Variants in FAM234B observed in about 807,000 individuals in gnomAD.
FAM234B encodes the protein protein FAM234B.
FAM234B carries 33 observed loss-of-function variants against 69.3 expected under a neutral mutation model. The observed-to-expected ratio is 0.48, with a 90% confidence interval of 0.36 to 0.64. FAM234B has a LOEUF of 0.64. Ranked by LOEUF, FAM234B falls within the 30% of genes least tolerant of loss-of-function variation. FAM234B has a pLI of 0.00. For synonymous variants in FAM234B, 306 were observed against 306.9 expected (o/e 1.00, Z 0.03); for missense variants, 697 against 769.7 (o/e 0.91, Z 1.12).
Position 13,062,975 on chromosome 12 carries a change from G to A in FAM234B, c.852G>A (p.Gln284=). 6.2e-7 allele frequency: 1 copy of A among 1,613,760 alleles called. No homozygotes were observed. The highest frequency in any genetic ancestry group is 8.5e-7 in the Non-Finnish European group (1 of 1,179,776). The change falls in exon 5 of 13, where the codon CAG becomes CAA. Residue 284 remains glutamine (Q), a splice_region_variant and synonymous_variant. Transcript: ENST00000197268. ...DLVVLAIGEL[Q]PDLCFLLVSG... ...TGGTTCTGGCCATTGGGGAATTGCA[G>A]GTATGATCTCTATTAAATGTTTTTT... is the stretch of plus-strand genomic sequence containing the variant.
At chr12:13,059,927 A>G (rs1372783802) in intron 3 of FAM234B, among the ~76,000 whole-genome samples, 1 of 152,252 alleles carries the variant, frequency 6.6e-6, no homozygotes, top group Non-Finnish European at 1.5e-5. Flanking sequence ...TGGCAAGGCC[A>G]TGGGTTTGGA....
chr12:13,077,427 C>T (rs1354723086), intron 11 of FAM234B, among the ~76,000 whole-genome samples: 4 of 133,064 alleles, frequency 3.0e-5, no homozygotes. Context: ...CCCCTCCCCC[C>T]CACCCCACAA....
rs567833009 is a variant in FAM234B at position 13,067,512 on chromosome 12, A to T, written c.1142+216A>T. ...TTGATATCTATGTGTTGGTGACCAC[A>T]TGTGATCACTCCTCAGGTAGGATGC... On this transcript the variant is annotated intron_variant, in intron 7 of 12. Transcript: ENST00000197268. The surrounding 1 kb of genome is among the most constrained non-coding windows in gnomAD (Gnocchi z 4.7). Among the ~76,000 whole-genome samples, 13 of 152,180 alleles carry T rather than the reference A, an allele frequency of 8.5e-5. No individual in the cohort carries two copies. The highest frequency in any genetic ancestry group is 1.5e-4 in the Non-Finnish European group (10 of 68,026).
chr12:13,075,884 A>G, intron 10 of FAM234B, 142 bp from the exon 11 acceptor site: 1 of 724,004 alleles, frequency 1.4e-6, no homozygotes. Flanking sequence ...TCTTTCAAAC[A>G]CATTCTTGTA....
chr12:13,068,978 T>C (rs1865071733), intron 9 of FAM234B, among the ~76,000 whole-genome samples: 2 of 152,144 alleles, frequency 1.3e-5, no homozygotes, highest in Non-Finnish European at 2.9e-5. Flanking sequence ...ATTGGGGGCC[T>C]TCTGAAATCT....
At chr12:13,058,593 AG>A (rs1864955943) in intron 3 of FAM234B, 44 bp downstream of exon 3, 6 of 1,510,270 alleles carry the variant, frequency 4.0e-6, no homozygotes, top group Non-Finnish European at 5.5e-6. Context: ...GGGCACTGTC[AG>A]CTAGGAGAAA....
intron 9 of FAM234B, among the ~76,000 whole-genome samples, chr12:13,069,011 A>G (rs1161515034): frequency 1.3e-5 from 2 of 152,210 alleles, no homozygotes; most frequent in African/African-American, 2.4e-5. Flanking sequence ...AGACAGGTAT[A>G]AAGAAATGTA....
At chr12:13,069,160 A>G (rs1591600811) in intron 9 of FAM234B, among the ~76,000 whole-genome samples, 1 of 152,334 alleles carries the variant, frequency 6.6e-6, no homozygotes, top group Non-Finnish European at 1.5e-5. Context: ...AAAACATGCC[A>G]GGTCAGGGGT....
Position 13,062,925 on chromosome 12 carries a change from G to A in FAM234B, c.802G>A (p.Asp268Asn), listed in dbSNP as rs528956340. ...AAPVVVLPDL[D>N]EDGVRDLVVL... ...CCCAGTTGTGGTACTGCCAGACTTG[G>A]ATGAAGACGGTGTTCGAGACCTTGT... The change falls in exon 5 of 13, where the codon GAT becomes AAT. Residue 268 changes from aspartate to asparagine, a missense_variant. Physicochemically the swap from Asp to Asn is conservative, Grantham distance 23 (BLOSUM62 1). Coordinates refer to ENST00000197268, the MANE Select transcript of FAM234B (RefSeq NM_020853.2). 1 of 1,614,100 alleles carries A rather than the reference G, an allele frequency of 6.2e-7. No homozygotes were observed. The highest frequency in any genetic ancestry group is 1.1e-5 in the South Asian group (1 of 91,074).
chr12:13,083,347 A>G lies in FAM234B; in HGVS notation c.*2717A>G, dbSNP rs1342868843. 1 of 152,486 alleles carries G rather than the reference A, an allele frequency of 6.6e-6. No individual in the cohort carries two copies. The highest frequency in any genetic ancestry group is 2.4e-5 in the African/African-American group (1 of 41,390). The allele number at this position is 152,486 out of a possible 1,614,324, so 9.4% of individuals were successfully genotyped here. On this transcript the variant is annotated 3_prime_UTR_variant, in exon 13 of 13. Coordinates refer to ENST00000197268, the MANE Select transcript of FAM234B (RefSeq NM_020853.2). ...ACTAATCCCCTGAATGTGAATTGCT[A>G]TCCTTATTGCCCTATTAAAGAAGAG... is the stretch of plus-strand genomic sequence containing the variant.
chr12:13,052,112 G>C (rs966517985), intron 1 of FAM234B, among the ~76,000 whole-genome samples: 2 of 152,146 alleles, frequency 1.3e-5, no homozygotes, highest in African/African-American at 4.8e-5. Context: ...TGATACCTTT[G>C]AGTGTTTGAA....
At chr12:13,061,076 T>C (rs1296301688) in intron 3 of FAM234B, among the ~76,000 whole-genome samples, 1 of 152,244 alleles carries the variant, frequency 6.6e-6, no homozygotes, top group Non-Finnish European at 1.5e-5. Context: ...ATGATTAGAA[T>C]TCAGGTATTT....
At chr12:13,056,494 C>T (rs947539331) in intron 2 of FAM234B, among the ~76,000 whole-genome samples, 3 of 152,148 alleles carry the variant, frequency 2.0e-5, no homozygotes, top group African/African-American at 7.2e-5. Context: ...TTCTTTAAAA[C>T]CTCTTGCTCT....
At chr12:13,057,221 A>T (rs1864939231) in intron 2 of FAM234B, among the ~76,000 whole-genome samples, 1 of 151,954 alleles carries the variant, frequency 6.6e-6, no homozygotes, top group Non-Finnish European at 1.5e-5. Flanking sequence ...CAGGTGATCC[A>T]CCCACCTCGG....
intron 10 of FAM234B, among the ~76,000 whole-genome samples, chr12:13,075,209 A>G (rs1412675504): frequency 2.0e-5 from 3 of 152,166 alleles, no homozygotes; most frequent in African/African-American, 7.2e-5. Flanking sequence ...TCAGGAACAG[A>G]TAAGATTTTT....
intron 3 of FAM234B, among the ~76,000 whole-genome samples, chr12:13,059,198 T>C (rs1438935267): frequency 6.6e-6 from 1 of 152,218 alleles, no homozygotes; most frequent in Non-Finnish European, 1.5e-5. Context: ...CCGGGGTCAC[T>C]GCAGAATGGC....
In FAM234B at chr12:13,055,935, G is replaced by C; in HGVS notation, c.422G>C (p.Gly141Ala). 6.4e-7 allele frequency: 1 copy of C among 1,563,032 alleles called. No homozygotes were observed. Among genetic ancestry groups the C allele is most frequent in the Admixed American group, 1.9e-5 (1 of 53,618 alleles). ...CACAGCACCTGGAGCCGCCACTTGGGCTCCCAGGGAGGTGAGCTGCAGAAT... is the reference window on the plus strand; with the variant it reads ...CACAGCACCTGGAGCCGCCACTTGGCCTCCCAGGGAGGTGAGCTGCAGAAT... ...DLHSTWSRHL[G>A]SQGGGDLSPL... is the part of the protein sequence containing the mutation. Residue 141 changes from glycine (G) to alanine (A), a missense_variant, in exon 2 of 13, where the codon GGC becomes GCC. Transcript: ENST00000197268.
chr12:13,068,161 A>ATCT, intron 7 of FAM234B, 143 bp from the exon 8 acceptor site: 1 of 763,744 alleles, frequency 1.3e-6, no homozygotes, highest in Non-Finnish European at 2.1e-6. Context: ...AAACAACAGT[A>ATCT]CATCCCACTT....
rs769615917 is a variant in FAM234B, at chr12:13,071,419, C to G, written c.1524+23C>G. ...TCCGTGAGTGAGCCTGGGAGGGTCC[C>G]TTTTTTACTTTGTCAGATGGCAGCT... On this transcript the variant is annotated intron_variant, in intron 10 of 12. Transcript: ENST00000197268. 12 of 1,609,556 alleles carry G rather than the reference C, an allele frequency of 7.5e-6. No homozygotes were observed. The Admixed American group carries it at 1.2e-4, about 16-fold the overall frequency.
Sources: allele counts gnomAD v4.1 joint callset (sites outside exome capture counted in the v4.1 genomes callset), GRCh38; gene constraint gnomAD v4.1.1; non-coding constraint Gnocchi (gnomAD v3.1); transcripts MANE v1.5; gene names NCBI Gene and HGNC (gene_info 2026-07-23, HGNC 2026-07-21).